CA10: variants seen among roughly 807,000 people sequenced by gnomAD.
CA10 encodes the protein carbonic anhydrase-related protein 10.
CA10 carries 14 observed loss-of-function variants against 44.2 expected under a neutral mutation model. That is an observed-to-expected ratio of 0.32 (90% confidence interval 0.21 to 0.50). The LOEUF is 0.50. CA10 is among the 20% of genes least tolerant of loss of function. CA10 has a pLI of 0.99. For missense variants in CA10, 350 were observed against 409.7 expected (o/e 0.85, Z 1.26); for synonymous variants, 159 against 141.6 (o/e 1.12, Z -0.87).
intron 3 of CA10, among the ~76,000 whole-genome samples, chr17:51,841,651 A>T (rs7215018): frequency 6.6e-6 from 1 of 151,890 alleles, no homozygotes; most frequent in African/African-American, 2.4e-5. Flanking sequence ...ATGGGCAGAA[A>T]CTCCCTCCAA....
chr17:51,931,282 T>C (rs923823374), intron 2 of CA10, 150 bp from the exon 3 acceptor site: 14 of 715,266 alleles, frequency 2.0e-5, no homozygotes, highest in Admixed American at 2.9e-5. Flanking sequence ...CTATGGTATT[T>C]TCCTGGTCTG....
rs934169002 is a variant in CA10, at chr17:51,968,600, G to A, written c.137-37468C>T. On this transcript the variant is annotated intron_variant, in intron 2 of 8. Coordinates refer to ENST00000451037, the MANE Select transcript of CA10 (RefSeq NM_020178.5). ...ATGGGGATTAATATTGACCACAGAGGGGTAATACTAGGGGATCTTGAGGGG... is the reference window on the plus strand; with the variant it reads ...ATGGGGATTAATATTGACCACAGAGAGGTAATACTAGGGGATCTTGAGGGG... Among the ~76,000 whole-genome samples the A allele has an allele frequency of 3.3e-5, 5 of 151,822 alleles. No individual in the cohort carries two copies. In the East Asian group the frequency reaches 9.6e-4, roughly 29 times the overall value.
chr17:51,864,921 T>G (rs1240778111), intron 3 of CA10, among the ~76,000 whole-genome samples: 1 of 152,198 alleles, frequency 6.6e-6, no homozygotes, highest in African/African-American at 2.4e-5. Flanking sequence ...TGCAGTTTGG[T>G]TCAACAAACA....
intron 4 of CA10, among the ~76,000 whole-genome samples, chr17:51,702,514 T>G (rs2143464120): frequency 6.6e-6 from 1 of 152,348 alleles, no homozygotes; most frequent in African/African-American, 2.4e-5. Flanking sequence ...AGAGAATCTT[T>G]ACCTTTATAA....
At chr17:52,148,283 G>A (rs1248810377) in intron 1 of CA10, among the ~76,000 whole-genome samples, 1 of 152,108 alleles carries the variant, frequency 6.6e-6, no homozygotes, top group Non-Finnish European at 1.5e-5. Flanking sequence ...AAGAAATAGC[G>A]TACATGTTCC....
chr17:51,756,594 G>A (rs1020662734), intron 3 of CA10, among the ~76,000 whole-genome samples: 2 of 150,300 alleles, frequency 1.3e-5, no homozygotes, highest in Non-Finnish European at 3.0e-5. Flanking sequence ...TTCAGCCTCC[G>A]GAGTAGCTGG....
At chr17:52,116,709 G>A (rs1037797929) in intron 1 of CA10, among the ~76,000 whole-genome samples, 1 of 152,164 alleles carries the variant, frequency 6.6e-6, no homozygotes, top group Non-Finnish European at 1.5e-5. Context: ...TAGTTGGCTT[G>A]GAGTTGAGCT....
intron 3 of CA10, among the ~76,000 whole-genome samples, chr17:51,773,474 C>T (rs2143661267): frequency 2.0e-5 from 3 of 152,312 alleles, no homozygotes; most frequent in Admixed American, 2.0e-4. Flanking sequence ...CCCTCAGAGC[C>T]TGGTGGAGAA....
At chr17:51,929,439 C>T (rs1982561917) in intron 3 of CA10, among the ~76,000 whole-genome samples, 1 of 152,170 alleles carries the variant, frequency 6.6e-6, no homozygotes. Context: ...CCTCTCTAGC[C>T]TACCATCTTG....
intron 2 of CA10, among the ~76,000 whole-genome samples, chr17:52,048,352 G>C (rs751894442): frequency 4.6e-5 from 7 of 151,990 alleles, no homozygotes; most frequent in Non-Finnish European, 8.8e-5. Context: ...GCGATTTCTT[G>C]CATCTGTTTA....
intron 2 of CA10, among the ~76,000 whole-genome samples, chr17:52,051,674 T>G (rs1987076319): frequency 6.6e-6 from 1 of 152,002 alleles, no homozygotes; most frequent in Admixed American, 6.6e-5. Context: ...CTATACATGG[T>G]TGATGGGAGT....
Position 52,081,094 on chromosome 17 carries a change from C to A in CA10, c.62-8701G>T, listed in dbSNP as rs1987963332. 2.0e-5 allele frequency among the ~76,000 whole-genome samples: 3 copies of A among 151,948 alleles called. No individual in the cohort carries two copies. The South Asian group carries it at 6.2e-4, about 31-fold the overall frequency. ...CTTTTGTGTAAACCTAATACATTCT[C>A]CGGGAGGGAGACAGAGAAAAGGAAA... On this transcript the variant is annotated intron_variant, in intron 1 of 8. Transcript: ENST00000451037.
At chr17:51,905,105 C>A (rs948239416) in intron 3 of CA10, among the ~76,000 whole-genome samples, 2 of 152,182 alleles carry the variant, frequency 1.3e-5, no homozygotes, top group African/African-American at 4.8e-5. Context: ...TCTCTATATT[C>A]TCTTCATGAT....
chr17:52,075,078 T>C (rs1297113751), intron 1 of CA10, among the ~76,000 whole-genome samples: 1 of 152,166 alleles, frequency 6.6e-6, no homozygotes, highest in Admixed American at 6.5e-5. Context: ...GTTTCCTCCA[T>C]GGCTCTTTAC....
chr17:51,898,760 T>G (rs373200785), intron 3 of CA10, among the ~76,000 whole-genome samples: 78 of 152,258 alleles, frequency 5.1e-4, no homozygotes, highest in African/African-American at 1.8e-3. Flanking sequence ...ATTCAGTTTC[T>G]TTCTGGTTCA....
Position 52,059,478 on chromosome 17 carries a change from A to G in CA10, c.136+12841T>C, listed in dbSNP as rs181412331. On this transcript the variant is annotated intron_variant, in intron 2 of 8. Transcript: ENST00000451037. ...AGGAGGAAGACAATTGATAACAAAA[A>G]GTCCGGGGGCACAAAATACTGGTGT... Among the ~76,000 whole-genome samples, 150 of 152,228 alleles carry G rather than the reference A, an allele frequency of 9.9e-4. 1 individual carries two copies. The Middle Eastern group carries it at 0.044, about 45-fold the overall frequency.
chr17:51,985,112 C>G (rs1454686954), intron 2 of CA10, among the ~76,000 whole-genome samples: 1 of 151,830 alleles, frequency 6.6e-6, no homozygotes, highest in African/African-American at 2.4e-5. Context: ...TGTTAAAATC[C>G]TTAACAAAAT....
chr17:51,972,868 C>G (rs1412368946), intron 2 of CA10, among the ~76,000 whole-genome samples: 1 of 151,890 alleles, frequency 6.6e-6, no homozygotes, highest in Non-Finnish European at 1.5e-5. Context: ...AAGAGACCAT[C>G]CAAATGCTAC....
At chr17:51,721,916 GTTA>G (rs374301153) in intron 4 of CA10, among the ~76,000 whole-genome samples, 278 of 152,270 alleles carry the variant, frequency 1.8e-3, no homozygotes, top group African/African-American at 6.2e-3. Flanking sequence ...ATAAACCAGA[GTTA>G]TTATGTTTCC....
Sources: gnomAD v4.1 joint callset for allele counts (sites outside exome capture counted in the v4.1 genomes callset) on GRCh38, gnomAD v4.1.1 for gene constraint, MANE v1.5 for transcripts, NCBI Gene and HGNC (gene_info 2026-07-23, HGNC 2026-07-21) for gene names.